The following NMI variants were observed in gnomAD, a reference collection of about 807,000 sequenced individuals.
NMI encodes N-myc-interactor.
In NMI, 39 loss-of-function variants were observed where a neutral mutation model predicts 34.3. The ratio of observed to expected loss-of-function variants is 1.14; its 90% CI spans 0.88 to 1.49. The LOEUF (loss-of-function observed/expected upper bound fraction) is 1.49. Among genes scored for constraint, NMI ranks in the 40% most tolerant of loss-of-function variants. The probability of loss-of-function intolerance (pLI) is 0.00; values close to 1 mark genes in which losing one functional copy is unlikely to be tolerated. For missense variants in NMI, 339 were observed against 358.1 expected, an observed-to-expected ratio of 0.95 and a Z score of 0.43; for synonymous variants, 113 against 120.3, an observed-to-expected ratio of 0.94 and a Z score of 0.40.
chr2:151,285,567 G>A (rs906585940), intron 1 of NMI, among the ~76,000 whole-genome samples: 1 of 144,628 alleles, frequency 6.9e-6, no homozygotes, highest in African/African-American at 2.6e-5. Context: ...CAGCCTGAGC[G>A]ACAGAGTGAG....
chr2:151,281,565 G>T (rs771011048), intron 3 of NMI, among the ~76,000 whole-genome samples: 36 of 152,274 alleles, frequency 2.4e-4, no homozygotes, highest in Middle Eastern at 3.4e-3. Flanking sequence ...TCCCTTCTGG[G>T]TCTTACCTGC....
At chr2:151,284,448 G>A (rs1683460301) in intron 1 of NMI, among the ~76,000 whole-genome samples, 1 of 152,034 alleles carries the variant, frequency 6.6e-6, no homozygotes, top group African/African-American at 2.4e-5. Flanking sequence ...ACAGGTATGT[G>A]CCACCATGCC....
intron 7 of NMI, 47 bp downstream of exon 7, chr2:151,271,579 G>T: frequency 1.1e-6 from 1 of 940,840 alleles, no homozygotes; most frequent in Non-Finnish European, 1.7e-6. Flanking sequence ...TTGTGGGGTG[G>T]GTTTGGGCAG....
intron 1 of NMI, among the ~76,000 whole-genome samples, chr2:151,285,443 C>T (rs1026941277): frequency 6.6e-6 from 1 of 151,558 alleles, no homozygotes; most frequent in African/African-American, 2.4e-5. Context: ...GTGTGATTAC[C>T]CAGGCATGGT....
chr2:151,279,383 G>A (rs1683346961), intron 3 of NMI, among the ~76,000 whole-genome samples: 1 of 152,152 alleles, frequency 6.6e-6, no homozygotes, highest in African/African-American at 2.4e-5. Flanking sequence ...TAATTTTGCT[G>A]CAAAGTATGA....
At chr2:151,282,130 T>A in intron 2 of NMI, 87 bp from the exon 3 acceptor site, 3 of 650,026 alleles carry the variant, frequency 4.6e-6, no homozygotes, top group Non-Finnish European at 5.5e-6. Context: ...ATTTCTCTCA[T>A]CCTGACCAAA....
intron 3 of NMI, among the ~76,000 whole-genome samples, chr2:151,279,443 C>T (rs957795708): frequency 2.6e-5 from 4 of 151,930 alleles, no homozygotes; most frequent in Non-Finnish European, 2.9e-5. Context: ...TAATTTCATC[C>T]AAAAAGAAAG....
At position 151,275,540 on chromosome 2, in the gene NMI, C is replaced by G. The variant is rs148343962; in HGVS notation, c.578G>C (p.Arg193Pro). The G allele has an allele frequency of 6.2e-7, 1 of 1,614,174 alleles. No individual in the cohort carries two copies. The change falls in exon 6 of 8, where the codon CGC becomes CCC. Residue 193 changes from arginine (R) to proline (P), a missense_variant. Physicochemically the swap from Arg to Pro is moderately radical, Grantham distance 103 (BLOSUM62 -2). Transcript: ENST00000243346. Reference sequence around the variant, plus strand: ...CCCGGACTGTCTGTCATAGTCCACGCGGTCCACCTCTCCGCCTCCATTTCG... The same window carrying G: ...CCCGGACTGTCTGTCATAGTCCACGGGGTCCACCTCTCCGCCTCCATTTCG... ...KSRNGGGEVD[R>P]VDYDRQSGSA...
chr2:151,273,591 C>T (rs1683225225), intron 6 of NMI, among the ~76,000 whole-genome samples: 1 of 152,196 alleles, frequency 6.6e-6, no homozygotes, highest in Non-Finnish European at 1.5e-5. Flanking sequence ...GATGCAATCT[C>T]AGCTCCCTGC....
intron 3 of NMI, among the ~76,000 whole-genome samples, chr2:151,280,510 C>T (rs1296903397): frequency 6.6e-6 from 1 of 152,126 alleles, no homozygotes; most frequent in Admixed American, 6.6e-5. Flanking sequence ...CCCAATAATG[C>T]AGAAATACCC....
At chr2:151,282,126 C>A in intron 2 of NMI, 83 bp from the exon 3 acceptor site, 1 of 655,528 alleles carries the variant, frequency 1.5e-6, no homozygotes, top group Admixed American at 3.1e-5. Flanking sequence ...ATAAATTTCT[C>A]TCATCCTGAC....
At chr2:151,277,157 A>AT (rs3836199) in intron 4 of NMI, 234 of 25,464 alleles carry the variant, frequency 9.2e-3, no homozygotes, top group African/African-American at 0.04. Context: ...GGAGGAAGAG[A>AT]AAAAAGGGCC....
intron 4 of NMI, chr2:151,278,623 C>T: frequency 2.0e-6 from 1 of 509,054 alleles, no homozygotes; most frequent in Admixed American, 3.3e-5. Flanking sequence ...ACAGTCATGG[C>T]TTTCTGAATA....
chr2:151,283,383 C>A (rs1318842833), intron 1 of NMI, among the ~76,000 whole-genome samples: 2 of 152,208 alleles, frequency 1.3e-5, no homozygotes, highest in Non-Finnish European at 2.9e-5. Context: ...AAGTGATGCA[C>A]CCCCCTCGGC....
intron 6 of NMI, among the ~76,000 whole-genome samples, chr2:151,272,549 T>G (rs974751133): frequency 6.6e-6 from 1 of 152,154 alleles, no homozygotes; most frequent in Admixed American, 6.5e-5. Context: ...GAACATGATA[T>G]GATCCAGCAA....
chr2:151,276,947 CA>C (rs1489176042), intron 4 of NMI, among the ~76,000 whole-genome samples: 1 of 152,138 alleles, frequency 6.6e-6, no homozygotes, highest in Non-Finnish European at 1.5e-5. Context: ...ACTAGCACTC[CA>C]AAAGGCAACT....
intron 1 of NMI, among the ~76,000 whole-genome samples, 172 bp downstream of exon 1, chr2:151,289,421 C>A (rs904277211): frequency 6.6e-6 from 1 of 152,200 alleles, no homozygotes; most frequent in Non-Finnish European, 1.5e-5. Context: ...TCGAAGGCGG[C>A]GTGGCCTCCG....
intron 1 of NMI, among the ~76,000 whole-genome samples, chr2:151,283,608 A>AATAGTTT (rs1683446492): frequency 6.6e-6 from 1 of 152,152 alleles, no homozygotes; most frequent in Non-Finnish European, 1.5e-5. Flanking sequence ...TGGTTTTCCA[A>AATAGTTT]CGTTTTTCAA....
chr2:151,287,201 T>C (rs775538038), intron 1 of NMI, among the ~76,000 whole-genome samples: 1 of 152,020 alleles, frequency 6.6e-6, no homozygotes, highest in Non-Finnish European at 1.5e-5. Context: ...TTAAATAATT[T>C]AGGAAAAGGA....
Sources: gnomAD v4.1 joint callset for allele counts (sites outside exome capture counted in the v4.1 genomes callset) on GRCh38, gnomAD v4.1.1 for gene constraint, MANE v1.5 for transcripts, NCBI Gene and HGNC (gene_info 2026-07-23, HGNC 2026-07-21) for gene names.